CASP8: variants seen among roughly 807,000 people sequenced by gnomAD.
CASP8 encodes the protein caspase-8.
In CASP8, 24 loss-of-function variants were observed where a neutral mutation model predicts 46.3. That is an observed-to-expected ratio of 0.52 (90% CI 0.38 to 0.73). The LOEUF is 0.73. CASP8 is among the 30% of genes least tolerant of loss of function. CASP8 has a pLI of 0.00. For missense variants in CASP8, 460 were observed against 559.0 expected, an observed-to-expected ratio of 0.82 and a Z score of 1.79; for synonymous variants, 188 against 200.4, an observed-to-expected ratio of 0.94 and a Z score of 0.52.
chr2:201,280,390 A>T (rs1270159535), intron 7 of CASP8, among the ~76,000 whole-genome samples: 2 of 152,220 alleles, frequency 1.3e-5, no homozygotes, highest in Non-Finnish European at 2.9e-5. Context: ...TCCAGATTGA[A>T]AGGGTATAAT....
intron 2 of CASP8, among the ~76,000 whole-genome samples, chr2:201,237,638 T>C (rs1214423496): frequency 6.6e-6 from 1 of 152,106 alleles, no homozygotes; most frequent in African/African-American, 2.4e-5. Flanking sequence ...GTGACTGATT[T>C]TGATATCCAG....
At chr2:201,278,683 T>C (rs1232831603) in intron 7 of CASP8, among the ~76,000 whole-genome samples, 1 of 152,134 alleles carries the variant, frequency 6.6e-6, no homozygotes, top group Admixed American at 6.5e-5. Context: ...ATTACAGGCA[T>C]GTGCCACCAT....
intron 2 of CASP8, among the ~76,000 whole-genome samples, chr2:201,238,946 G>A (rs377671284): frequency 1.3e-5 from 2 of 151,848 alleles, no homozygotes; most frequent in East Asian, 3.9e-4. Flanking sequence ...CTGGGTACTT[G>A]AGATTAGGGA....
chr2:201,253,642 G>T (rs2125014346), intron 2 of CASP8, among the ~76,000 whole-genome samples: 2 of 152,108 alleles, frequency 1.3e-5, no homozygotes, highest in South Asian at 4.2e-4. Context: ...AAATTTTATG[G>T]TATATATATT....
chr2:201,262,724 C>T lies in CASP8; in HGVS notation c.-27+2111C>T, dbSNP rs181117253. 7.2e-5 allele frequency among the ~76,000 whole-genome samples: 11 copies of T among 152,222 alleles called. No individual in the cohort carries two copies. In the East Asian group the frequency reaches 2.1e-3, roughly 29 times the overall value. On this transcript the variant is annotated intron_variant, in intron 1 of 8. Coordinates refer to ENST00000673742, the MANE Select transcript of CASP8 (RefSeq NM_001372051.1). Reference sequence around the variant, plus strand: ...CATTGTTTAAAAAATACTAGCTTAACAAAGTTTCTAGCCCATAAGCTAGTG... The same window carrying T: ...CATTGTTTAAAAAATACTAGCTTAATAAAGTTTCTAGCCCATAAGCTAGTG...
In CASP8 at chr2:201,253,293, C is replaced by CTTTTTT. The variant is rs34341476; in HGVS notation, c.-26-13143_-26-13138dup. On this transcript the variant is annotated intron_variant, in intron 2 of 6. Coordinates refer to the CASP8 transcript ENST00000264274. The stretch of plus-strand genomic sequence containing the variant: ...TGTGAGCCACTGCACCTAGCCTGAT[C>CTTTTTT]TTTTTTTTTTTTTTTTTTTTTTTTT... Among the ~76,000 whole-genome samples, 42 of 67,956 alleles carry CTTTTTT rather than the reference C, an allele frequency of 6.2e-4. 6 individuals carry two copies. Among genetic ancestry groups the CTTTTTT allele is most frequent in the East Asian group, 2.9e-3 (6 of 2,102 alleles). 44.6% of individuals were successfully genotyped at this position (67,956 alleles called of 152,430 possible).
In CASP8 at chr2:201,286,596, G is replaced by A. The variant is rs994042017; in HGVS notation, c.*2G>A. On this transcript the variant is annotated 3_prime_UTR_variant, in exon 9 of 9. Coordinates refer to ENST00000673742, the MANE Select transcript of CASP8 (RefSeq NM_001372051.1). Reference sequence around the variant, plus strand: ...AAACTTGTCTTCCCTTCTGATTGATGGTGCTATTTTGTTTGTTTTGTTTTG... The same window carrying A: ...AAACTTGTCTTCCCTTCTGATTGATAGTGCTATTTTGTTTGTTTTGTTTTG... The A allele has an allele frequency of 6.2e-7, 1 of 1,613,060 alleles. No individual in the cohort carries two copies. The highest frequency in any genetic ancestry group is 1.7e-5 in the Admixed American group (1 of 59,988).
At chr2:201,279,015 T>C (rs375367167) in intron 7 of CASP8, among the ~76,000 whole-genome samples, 36 of 152,114 alleles carry the variant, frequency 2.4e-4, no homozygotes, top group African/African-American at 8.4e-4. Context: ...GGTAATTGAC[T>C]TAACAGAGAA....
chr2:201,274,999 G>C, intron 6 of CASP8, 46 bp downstream of exon 6: 2 of 1,229,280 alleles, frequency 1.6e-6, no homozygotes, highest in Non-Finnish European at 2.4e-6. Context: ...ACAGATTCTA[G>C]TTATTTAATT....
chr2:201,279,814 A>C (rs1004821032), intron 7 of CASP8, among the ~76,000 whole-genome samples: 1 of 152,156 alleles, frequency 6.6e-6, no homozygotes, highest in Non-Finnish European at 1.5e-5. Context: ...TTAGCCAGGC[A>C]TGGTGGCAGG....
chr2:201,274,276 G>A (rs1191833276), intron 5 of CASP8, among the ~76,000 whole-genome samples: 1 of 152,126 alleles, frequency 6.6e-6, no homozygotes, highest in Non-Finnish European at 1.5e-5. Context: ...CTTTATTAAT[G>A]AGTATCTCAC....
Position 201,260,551 on chromosome 2 carries a change from T to C in CASP8, c.-89T>C. 4 of 985,474 alleles carry C rather than the reference T, an allele frequency of 4.1e-6. No homozygotes were observed. The highest frequency in any genetic ancestry group is 4.8e-6 in the Non-Finnish European group (4 of 829,956). The allele number at this position is 985,474 out of a possible 1,614,324, so 61.0% of individuals were successfully genotyped here. On this transcript the variant is annotated 5_prime_UTR_variant, in exon 1 of 9. Coordinates refer to ENST00000673742, the MANE Select transcript of CASP8 (RefSeq NM_001372051.1). The stretch of plus-strand genomic sequence containing the variant: ...GTCCTTCATTAGACGTTTGCTCTTG[T>C]CTTAGATGCTCAGATGGTAGTGGAT...
rs1373824740 is a variant in CASP8, at chr2:201,283,262, C to T, written c.803-1554C>T. Among the ~76,000 whole-genome samples the T allele has an allele frequency of 4.4e-5, 4 of 90,366 alleles. 1 individual carries two copies. The highest frequency in any genetic ancestry group is 7.7e-5 in the Non-Finnish European group (3 of 39,194). The allele number at this position is 90,366 out of a possible 152,430, so 59.3% of individuals were successfully genotyped here. A position where few individuals can be genotyped will look rare whatever the true frequency, so the allele number is the denominator to read the frequency against. On this transcript the variant is annotated intron_variant, in intron 7 of 8. Coordinates refer to ENST00000673742, the MANE Select transcript of CASP8 (RefSeq NM_001372051.1). ...CTCCCGGACTGGGCGGCTGGCCGGG[C>T]GGGGGGTTGAACCCCCACCTCCCTC...
At position 201,234,384 on chromosome 2, in the gene CASP8, G is replaced by T. The variant is rs532803582; in HGVS notation, c.-27+272G>T. Among the ~76,000 whole-genome samples, 17 of 152,264 alleles carry T rather than the reference G, an allele frequency of 1.1e-4. No homozygotes were observed. In the South Asian group the frequency reaches 3.5e-3, roughly 32 times the overall value. On this transcript the variant is annotated intron_variant, in intron 2 of 6. Transcript: ENST00000264274. Reference sequence around the variant, plus strand: ...CCCACAACTGTGGAGGAGCCGCAGGGGATACTGGGTAGTACGCAGACATTA... The same window carrying T: ...CCCACAACTGTGGAGGAGCCGCAGGTGATACTGGGTAGTACGCAGACATTA...
intron 7 of CASP8, among the ~76,000 whole-genome samples, chr2:201,282,106 T>A (rs1313211145): frequency 1.5e-5 from 1 of 65,576 alleles, no homozygotes; most frequent in Non-Finnish European, 3.5e-5. Context: ...TTTGTGTCCC[T>A]GGGTACTTAA....
In CASP8 at chr2:201,246,277, G is replaced by A. The variant is rs144905633; in HGVS notation, c.-27+12165G>A. On this transcript the variant is annotated intron_variant, in intron 2 of 6. Transcript: ENST00000264274. ...AGCCCAGGGCACAAAACAGGGTGTT[G>A]TTCCTGCCTCTGGGTCCCCCGCCAG... Among the ~76,000 whole-genome samples, 798 of 152,306 alleles carry A rather than the reference G, an allele frequency of 5.2e-3. 6 individuals are homozygous for A. Among genetic ancestry groups the A allele is most frequent in the South Asian group, 0.03 (147 of 4,826 alleles).
At chr2:201,286,394 AGAG>A (rs879125758) in intron 8 of CASP8, 62 bp from the exon 9 acceptor site, 2 of 1,570,160 alleles carry the variant, frequency 1.3e-6, no homozygotes, top group South Asian at 2.2e-5. Flanking sequence ...TGAGCACAGC[AGAG>A]GAGACAGTTC....
chr2:201,274,037 T>G (rs1227496276), intron 5 of CASP8, among the ~76,000 whole-genome samples: 1 of 152,184 alleles, frequency 6.6e-6, no homozygotes, highest in Non-Finnish European at 1.5e-5. Flanking sequence ...TTTTTACAAG[T>G]CCAAGAACAC....
At chr2:201,238,929 T>A (rs1436008209) in intron 2 of CASP8, among the ~76,000 whole-genome samples, 1 of 151,996 alleles carries the variant, frequency 6.6e-6, no homozygotes, top group Non-Finnish European at 1.5e-5. Flanking sequence ...CCGCAGTGTT[T>A]GTGTCCCTGG....
Sources: gnomAD v4.1 joint callset for allele counts (sites outside exome capture counted in the v4.1 genomes callset) on GRCh38, gnomAD v4.1.1 for gene constraint, MANE v1.5 for transcripts, NCBI Gene and HGNC (gene_info 2026-07-23, HGNC 2026-07-21) for gene names.